Variants in CIITA observed in about 807,000 individuals in gnomAD.
CIITA encodes the protein class II major histocompatibility complex transactivator, also known as MHC class II transactivator.
A neutral mutation model predicts 115.1 loss-of-function variants in CIITA; 72 were observed. The ratio of observed to expected loss-of-function variants is 0.63; its 90% CI spans 0.52 to 0.76. The LOEUF (loss-of-function observed/expected upper bound fraction) is 0.76. Among genes scored for constraint, CIITA ranks in the 30% least tolerant of loss-of-function variants. The probability of loss-of-function intolerance (pLI) is 0.00; values close to 1 mark genes in which losing one functional copy is unlikely to be tolerated. For missense variants in CIITA, 1,617 were observed against 1,463.8 expected, an observed-to-expected ratio of 1.10 and a Z score of -1.71; for synonymous variants, 763 against 635.6, an observed-to-expected ratio of 1.20 and a Z score of -3.02.
intron 1 of CIITA, among the ~76,000 whole-genome samples, chr16:10,892,097 G>T (rs1436355763): frequency 6.6e-6 from 1 of 152,192 alleles, no homozygotes; most frequent in Non-Finnish European, 1.5e-5. Context: ...GCCAAGGCGG[G>T]TGGATCACCT....
At chr16:10,922,993 A>G (rs2040356824) in intron 18 of CIITA, 1 of 580,562 alleles carries the variant, frequency 1.7e-6, no homozygotes, top group African/African-American at 1.9e-5. Flanking sequence ...AGCACAGAGC[A>G]GTTAACTAAC....
At chr16:10,908,292 T>C in intron 11 of CIITA, 143 bp downstream of exon 11, 1 of 984,406 alleles carries the variant, frequency 1.0e-6, no homozygotes, top group Non-Finnish European at 1.6e-6. Flanking sequence ...ATTTTTAAGA[T>C]GAGGATGTTG....
At chr16:10,878,818 G>T (rs532354121) in intron 1 of CIITA, among the ~76,000 whole-genome samples, 1 of 152,364 alleles carries the variant, frequency 6.6e-6, no homozygotes, top group South Asian at 2.1e-4. Flanking sequence ...AGGCAGTTGG[G>T]ATGCCACTTC....
intron 1 of CIITA, among the ~76,000 whole-genome samples, chr16:10,893,057 A>T (rs2037755500): frequency 6.6e-6 from 1 of 152,228 alleles, no homozygotes; most frequent in African/African-American, 2.4e-5. Context: ...GGAGTAGGTG[A>T]TGTGGCCACT....
At position 10,901,535 on chromosome 16, in the gene CIITA, C is replaced by G. The variant is rs2144537547; in HGVS notation, c.458C>G (p.Ala153Gly). 3.1e-6 allele frequency: 5 copies of G among 1,614,062 alleles called. No homozygotes were observed. The African/African-American group carries it at 5.3e-5, about 17-fold the overall frequency. ...QKRPFPEELP[A>G]DLKHWKPAEP... is the part of the protein sequence containing the mutation. Reference sequence around the variant, plus strand: ...GCAGCCTTCCCAGAGGAGCTTCCGGCAGACCTGAAGCACTGGAAGCCAGGT... The same window carrying G: ...GCAGCCTTCCCAGAGGAGCTTCCGGGAGACCTGAAGCACTGGAAGCCAGGT... The change falls in exon 6 of 20, where the codon GCA becomes GGA. Residue 153 changes from alanine to glycine, a missense_variant. Ala to Gly is a moderately conservative substitution (Grantham distance 60). Coordinates refer to ENST00000324288, the MANE Select transcript of CIITA (RefSeq NM_000246.4). This position sits in a 1 kb window ranked among gnomAD's most constrained non-coding sequence, Gnocchi z 6.8.
intron 15 of CIITA, chr16:10,916,678 A>G (rs2039971247): frequency 3.4e-6 from 2 of 579,900 alleles, no homozygotes; most frequent in Admixed American, 5.3e-5. Context: ...GGTGTGACTT[A>G]CCATGCCCAG....
At chr16:10,917,977 C>T (rs916943671) in intron 15 of CIITA, among the ~76,000 whole-genome samples, 1 of 152,148 alleles carries the variant, frequency 6.6e-6, no homozygotes, top group Non-Finnish European at 1.5e-5. Flanking sequence ...TTAGTCCTTC[C>T]GTCCCCCTCT....
chr16:10,868,051 C>A (rs963976492), intron 1 of CIITA, among the ~76,000 whole-genome samples: 1 of 152,178 alleles, frequency 6.6e-6, no homozygotes, highest in Non-Finnish European at 1.5e-5. Context: ...CATGAGCCAC[C>A]ACACCCAACC....
chr16:10,907,261 A>C lies in CIITA; in HGVS notation c.1769A>C (p.His590Pro). Residue 590 changes from histidine (H) to proline (P), a missense_variant, in exon 11 of 20, where the codon CAC becomes CCC. Coordinates refer to ENST00000324288, the MANE Select transcript of CIITA (RefSeq NM_000246.4). This position sits in a 1 kb window ranked among gnomAD's most constrained non-coding sequence, Gnocchi z 5.0. The part of the protein sequence containing the change: ...RYFESSGMTE[H>P]QDRALTLLRD... ...TTTGAGAGCTCAGGGATGACAGAGC[A>C]CCAAGACAGAGCCCTGACGCTCCTC... 6.2e-7 allele frequency: 1 copy of C among 1,613,284 alleles called. No individual in the cohort carries two copies. Among genetic ancestry groups the C allele is most frequent in the East Asian group, 2.2e-5 (1 of 44,866 alleles).
In CIITA at chr16:10,902,186, T is replaced by G. The variant is rs2038823840; in HGVS notation, c.628+2T>G. On this transcript the variant is annotated splice_donor_variant, in intron 7 of 19. Coordinates refer to ENST00000324288, the MANE Select transcript of CIITA (RefSeq NM_000246.4). LOFTEE classifies it high-confidence loss of function. The stretch of plus-strand genomic sequence containing the variant: ...TGGAGAAAACCGACCAGATTCCCAG[T>G]ATGTTAGGGGGCTTGGAGAGAGTGG... 8.1e-6 allele frequency: 13 copies of G among 1,613,894 alleles called. No individual in the cohort carries two copies. Among genetic ancestry groups the G allele is most frequent in the Non-Finnish European group, 1.1e-5 (13 of 1,179,958 alleles).
chr16:10,929,830 G>C lies in CIITA; in HGVS notation c.*5975G>C, dbSNP rs963826894. On this transcript the variant is annotated 3_prime_UTR_variant, in exon 20 of 20. Coordinates refer to ENST00000324288, the MANE Select transcript of CIITA (RefSeq NM_000246.4). This position sits in a 1 kb window ranked among gnomAD's most constrained non-coding sequence, Gnocchi z 4.3. ...AGTGCAATGTCACACGGGAGAGGAA[G>C]GACTGTCCTGTTTATTGGGAGGGAG... 4 of 152,764 alleles carry C rather than the reference G, an allele frequency of 2.6e-5. No homozygotes were observed. The highest frequency in any genetic ancestry group is 9.6e-5 in the African/African-American group (4 of 41,468). The allele number at this position is 152,764 out of a possible 1,614,324, so 9.5% of individuals were successfully genotyped here. A position where few individuals can be genotyped will look rare whatever the true frequency, so the allele number is the denominator to read the frequency against.
At chr16:10,895,855 G>C in intron 3 of CIITA, 91 bp downstream of exon 3, 1 of 1,208,658 alleles carries the variant, frequency 8.3e-7, no homozygotes, top group African/African-American at 1.5e-5. Flanking sequence ...CATGAGCCAC[G>C]TCAGTCCCCT....
Position 10,877,320 on chromosome 16 carries a change from A to T in CIITA, c.-11A>T. 6.2e-7 allele frequency: 1 copy of T among 1,612,304 alleles called. No homozygotes were observed. Among genetic ancestry groups the T allele is most frequent in the Non-Finnish European group, 8.5e-7 (1 of 1,179,180 alleles). On this transcript the variant is annotated 5_prime_UTR_variant, in exon 1 of 20. Coordinates refer to ENST00000324288, the MANE Select transcript of CIITA (RefSeq NM_000246.4). ...CTCCGGGAGCTGCTGCCTGGCTGGG[A>T]TTCCTACACAATGCGTTGCCTGGCT...
intron 11 of CIITA, chr16:10,908,775 C>T (rs2039353040): frequency 1.6e-6 from 1 of 613,730 alleles, no homozygotes; most frequent in Admixed American, 2.7e-5. Flanking sequence ...TAAGGTCCTA[C>T]ATAATTGTGC....
At chr16:10,894,501 T>G (rs1188852015) in intron 1 of CIITA, among the ~76,000 whole-genome samples, 2 of 152,232 alleles carry the variant, frequency 1.3e-5, no homozygotes, top group Admixed American at 6.5e-5. Flanking sequence ...TGATACATAT[T>G]TATGGGGTAT....
At chr16:10,898,157 G>A (rs535478709) in intron 3 of CIITA, among the ~76,000 whole-genome samples, 1 of 152,230 alleles carries the variant, frequency 6.6e-6, no homozygotes, top group East Asian at 1.9e-4. Context: ...TATATTCCAA[G>A]GGCTCTGAGC....
At chr16:10,902,335 TG>T in intron 7 of CIITA, 151 bp downstream of exon 7, 1 of 1,192,778 alleles carries the variant, frequency 8.4e-7, no homozygotes, top group Non-Finnish European at 1.2e-6. Flanking sequence ...GTTTTATCCT[TG>T]GGGCCCCCGT....
upstream of CIITA, among the ~76,000 whole-genome samples, chr16:10,873,256 C>T (rs974775817): frequency 6.6e-6 from 1 of 152,176 alleles, no homozygotes; most frequent in Non-Finnish European, 1.5e-5. Flanking sequence ...GCCACTGCAC[C>T]TCGCCTGATA....
At chr16:10,900,608 CGA>C (rs1436999758) in intron 5 of CIITA, among the ~76,000 whole-genome samples, 59 of 152,028 alleles carry the variant, frequency 3.9e-4, no homozygotes, top group Non-Finnish European at 6.6e-4. Context: ...GGCGTGGTGG[CGA>C]ACACCTGTAA....
Sources: gnomAD v4.1 joint callset for allele counts (sites outside exome capture counted in the v4.1 genomes callset) on GRCh38, gnomAD v4.1.1 for gene constraint, Gnocchi (gnomAD v3.1) non-coding constraint, MANE v1.5 for transcripts, NCBI Gene and HGNC (gene_info 2026-07-23, HGNC 2026-07-21) for gene names.